The following EPHX1 variants were observed in gnomAD, a reference collection of about 807,000 sequenced individuals.
EPHX1 encodes the protein epoxide hydrolase 1.
Under a neutral mutation model 43.2 loss-of-function variants are expected in EPHX1, and 40 were observed. That is an observed-to-expected ratio of 0.93 (90% CI 0.72 to 1.21). The LOEUF is 1.21. EPHX1 is among the 50% of genes most tolerant of loss of function. The pLI is 0.00. For synonymous variants in EPHX1, 221 were observed against 226.7 expected (o/e 0.98, Z 0.22); for missense variants, 550 against 570.4 (o/e 0.96, Z 0.36).
rs1373065352 is a variant in EPHX1, at chr1:225,831,925, C to T, written c.330C>T (p.Leu110=). 1.2e-6 allele frequency: 2 copies of T among 1,614,154 alleles called. No individual in the cohort carries two copies. The highest frequency in any genetic ancestry group is 2.2e-5 in the South Asian group (2 of 91,078). Residue 110 remains leucine (L), a synonymous_variant, in exon 3 of 9, where the codon CTC becomes CTT. Coordinates refer to ENST00000272167, the MANE Select transcript of EPHX1 (RefSeq NM_001136018.4). ...ACTGGAAGAAGCAGGTGGAGATTCT[C>T]AACAGATACCCTCACTTCAAGACTA... ...EFDWKKQVEI[L]NRYPHFKTKI...
intron 7 of EPHX1, 54 bp downstream of exon 7, chr1:225,842,528 C>T (rs1668516311): frequency 4.1e-6 from 5 of 1,230,714 alleles, no homozygotes; most frequent in African/African-American, 1.5e-5. Flanking sequence ...CAGCCAACCT[C>T]CTCACCCTCT....
intron 3 of EPHX1, among the ~76,000 whole-genome samples, chr1:225,838,052 A>G (rs899808927): frequency 6.6e-6 from 1 of 152,232 alleles, no homozygotes; most frequent in African/African-American, 2.4e-5. Flanking sequence ...AATACATAGT[A>G]TAAGTACAGT....
At chr1:225,843,618 C>T (rs1668627184) in intron 7 of EPHX1, among the ~76,000 whole-genome samples, 1 of 152,174 alleles carries the variant, frequency 6.6e-6, no homozygotes, top group Admixed American at 6.5e-5. Context: ...CCCACTAGGC[C>T]ACTCCTGCAG....
rs140773576 is a variant in EPHX1 at position 225,829,319 on chromosome 1, C to T, written c.183+407C>T. 2.6e-3 allele frequency among the ~76,000 whole-genome samples: 397 copies of T among 152,294 alleles called. 1 individual carries two copies. The highest frequency in any genetic ancestry group is 9.3e-3 in the African/African-American group (386 of 41,546). ...GGCAGGGATGCTACTGGTTAGGCACCGGCTGTGTGTCAGCCATTCCTGGTC... is the reference window on the plus strand; with the variant it reads ...GGCAGGGATGCTACTGGTTAGGCACTGGCTGTGTGTCAGCCATTCCTGGTC... On this transcript the variant is annotated intron_variant, in intron 2 of 8. Transcript: ENST00000272167.
Position 225,828,786 on chromosome 1 carries a change from C to A in EPHX1, c.57C>A (p.Ile19=), listed in dbSNP as rs749747952. The A allele has an allele frequency of 1.9e-6, 3 of 1,613,840 alleles. No homozygotes were observed. In the South Asian group the frequency reaches 3.3e-5, roughly 18 times the overall value. ...SVLGFAIYWF[I]SRDKEETLPL... ...TGGGCTTTGCCATCTACTGGTTCATCTCCCGGGACAAAGAGGAAACTTTGC... is the reference window on the plus strand; with the variant it reads ...TGGGCTTTGCCATCTACTGGTTCATATCCCGGGACAAAGAGGAAACTTTGC... The change falls in exon 2 of 9, where the codon ATC becomes ATA. Residue 19 remains isoleucine (I), a synonymous_variant. Coordinates refer to ENST00000272167, the MANE Select transcript of EPHX1 (RefSeq NM_001136018.4).
At chr1:225,826,123 A>T (rs1460886279) in intron 1 of EPHX1, among the ~76,000 whole-genome samples, 1 of 152,144 alleles carries the variant, frequency 6.6e-6, no homozygotes, top group Non-Finnish European at 1.5e-5. Context: ...ATCAGCTGAC[A>T]TAGGGTCCTT....
In EPHX1 at chr1:225,839,366, GGTGTGTGTGTGTGTGTGTGT is replaced by G. The variant is rs34868815; in HGVS notation, c.722+37_722+56del. On this transcript the variant is annotated intron_variant, in intron 5 of 8. Transcript: ENST00000272167. ...GCCCAGGTGAGGTCACTGTTGGGGT[GGTGTGTGTGTGTGTGTGTGT>G]GTGTGTGTGTGTGTGTCCTCTAAGA... The G allele has an allele frequency of 3.7e-4, 570 of 1,560,838 alleles. No individual in the cohort carries two copies. In the South Asian group the frequency reaches 5.6e-3, roughly 15 times the overall value.
chr1:225,842,438 C>T lies in EPHX1; in HGVS notation c.1004C>T (p.Thr335Met), dbSNP rs761149789. 118 of 1,613,960 alleles carry T rather than the reference C, an allele frequency of 7.3e-5. No individual in the cohort carries two copies. Among genetic ancestry groups the T allele is most frequent in the Middle Eastern group, 1.6e-4 (1 of 6,062 alleles). ...GAGAAGTTTTCCACCTGGACCAATA[C>T]GGAATTCCGATACCTGGAGGATGGA... ...ILEKFSTWTN[T>M]EFRYLEDGGL... The change falls in exon 7 of 9, where the codon ACG (threonine) becomes ATG (methionine). Residue 335 changes from threonine (T) to methionine (M), a missense_variant. By Grantham distance (81) the Thr-to-Met change is moderately conservative. Transcript: ENST00000272167.
intron 1 of EPHX1, among the ~76,000 whole-genome samples, chr1:225,825,945 A>G (rs756320987): frequency 6.6e-6 from 1 of 152,138 alleles, no homozygotes; most frequent in African/African-American, 2.4e-5. Context: ...ACTTTTCTCC[A>G]TCTTCTTAAA....
At chr1:225,822,915 A>G (rs974553918) in intron 1 of EPHX1, among the ~76,000 whole-genome samples, 1 of 152,082 alleles carries the variant, frequency 6.6e-6, no homozygotes, top group Non-Finnish European at 1.5e-5. Flanking sequence ...TTATGTGCAC[A>G]CGGCTGCAGC....
In EPHX1 at chr1:225,839,769, C is replaced by T. The variant is rs113362462; in HGVS notation, c.723-60C>T. 7 of 1,556,548 alleles carry T rather than the reference C, an allele frequency of 4.5e-6. No homozygotes were observed. The African/African-American group carries it at 5.4e-5, about 12-fold the overall frequency. ...TGAGGCCTGTTCCTCCGCCATCTCT[C>T]CTCTCTCCCTGTCCTTGACACCAGC... is the stretch of plus-strand genomic sequence containing the variant. On this transcript the variant is annotated intron_variant, in intron 5 of 8. Transcript: ENST00000272167.
intron 1 of EPHX1, among the ~76,000 whole-genome samples, chr1:225,818,306 A>G (rs1666818514): frequency 6.6e-6 from 1 of 152,228 alleles, no homozygotes; most frequent in African/African-American, 2.4e-5. Context: ...GAGAGTCCAG[A>G]TGGGAGCCAA....
At chr1:225,822,705 C>G (rs940296346) in intron 1 of EPHX1, among the ~76,000 whole-genome samples, 21 of 152,190 alleles carry the variant, frequency 1.4e-4, no homozygotes, top group African/African-American at 3.9e-4. Flanking sequence ...GAGAATGCAC[C>G]TTCTCCGAAC....
Position 225,845,468 on chromosome 1 carries a change from C to A in EPHX1, c.*121C>A, listed in dbSNP as rs1576056265. 2 of 1,014,298 alleles carry A rather than the reference C, an allele frequency of 2.0e-6. No homozygotes were observed. The highest frequency in any genetic ancestry group is 5.2e-5 in the East Asian group (2 of 38,440). The allele number at this position is 1,014,298 out of a possible 1,614,324, so 62.8% of individuals were successfully genotyped here. ...CCGTCCCCTGCCCATGCTGGGAGCC[C>A]ACGCTCACCCCCTCACCCCTCCAAG... On this transcript the variant is annotated 3_prime_UTR_variant, in exon 9 of 9. Coordinates refer to ENST00000272167, the MANE Select transcript of EPHX1 (RefSeq NM_001136018.4).
chr1:225,818,403 A>G (rs1268041162), intron 1 of EPHX1, among the ~76,000 whole-genome samples: 2 of 152,164 alleles, frequency 1.3e-5, no homozygotes, highest in Non-Finnish European at 2.9e-5. Context: ...GACGAAGGCT[A>G]GGACTGAGAG....
intron 6 of EPHX1, among the ~76,000 whole-genome samples, chr1:225,840,283 C>G (rs1668294283): frequency 6.6e-6 from 1 of 152,216 alleles, no homozygotes; most frequent in Non-Finnish European, 1.5e-5. Context: ...GCTTTCACCC[C>G]TGATCTCCCA....
chr1:225,838,596 G>C, intron 3 of EPHX1, 58 bp from the exon 4 acceptor site: 3 of 1,497,824 alleles, frequency 2.0e-6, no homozygotes, highest in South Asian at 2.3e-5. Flanking sequence ...GGGTGCCAGA[G>C]CCTGACCGTG....
intron 1 of EPHX1, among the ~76,000 whole-genome samples, chr1:225,821,435 G>A (rs1361008551): frequency 4.6e-5 from 7 of 151,624 alleles, no homozygotes; most frequent in Non-Finnish European, 1.0e-4. Flanking sequence ...TAGTAGAGAC[G>A]GGGTTTCACC....
intron 3 of EPHX1, 124 bp from the exon 4 acceptor site, chr1:225,838,530 C>A: frequency 1.3e-6 from 1 of 784,888 alleles, no homozygotes; most frequent in Non-Finnish European, 2.1e-6. Context: ...CTGTCAATAC[C>A]ATGAAGGGGC....
Sources: gnomAD v4.1 joint callset for allele counts (sites outside exome capture counted in the v4.1 genomes callset) on GRCh38, gnomAD v4.1.1 for gene constraint, MANE v1.5 for transcripts, NCBI Gene and HGNC (gene_info 2026-07-23, HGNC 2026-07-21) for gene names.